The following SAMD5 variants were observed in gnomAD, a reference collection of about 807,000 sequenced individuals.
SAMD5 encodes sterile alpha motif domain containing 5.
In SAMD5, 13 loss-of-function variants were observed where a neutral mutation model predicts 11.3. That is an observed-to-expected ratio of 1.15 (90% CI 0.75 to 1.83). The LOEUF (loss-of-function observed/expected upper bound fraction) is 1.83, where lower values mean the gene tolerates loss of function less well. SAMD5 is among the 40% of genes most tolerant of loss of function. The pLI is 0.00. For missense variants in SAMD5, 255 were observed against 239.1 expected (o/e 1.07, Z -0.44); for synonymous variants, 129 against 111.3 (o/e 1.16, Z -1.00).
intron 1 of SAMD5, among the ~76,000 whole-genome samples, chr6:147,530,238 AGGTGTTGT>A (rs1355530481): frequency 1.3e-5 from 2 of 152,246 alleles, no homozygotes; most frequent in African/African-American, 2.4e-5. Context: ...CTATCATTGG[AGGTGTTGT>A]GGACAGGAAA....
At chr6:147,639,589 C>T (rs995843379) in intron 1 of SAMD5, among the ~76,000 whole-genome samples, 13 of 152,178 alleles carry the variant, frequency 8.5e-5, no homozygotes, top group Non-Finnish European at 1.9e-4. Flanking sequence ...GCAACATTCT[C>T]CTCTTTTGTT....
the SAMD5 span, among the ~76,000 whole-genome samples, chr6:147,928,523 C>A: frequency 6.6e-6 from 1 of 152,004 alleles, no homozygotes; most frequent in African/African-American, 2.4e-5. Flanking sequence ...TCTTCTTTGT[C>A]ATTTCTATTT....
chr6:147,789,517 G>A, the SAMD5 span, among the ~76,000 whole-genome samples: 1 of 152,038 alleles, frequency 6.6e-6, no homozygotes, highest in Admixed American at 6.6e-5. Context: ...TTGAAAAGTT[G>A]CAAAAAGAGT....
chr6:147,654,441 T>C (rs992540520), intron 1 of SAMD5, among the ~76,000 whole-genome samples: 4 of 152,178 alleles, frequency 2.6e-5, no homozygotes, highest in Admixed American at 1.3e-4. Flanking sequence ...AAGAAGAGAA[T>C]GAAAGGAGCC....
intron 1 of SAMD5, among the ~76,000 whole-genome samples, chr6:147,548,625 T>C (rs1788721372): frequency 6.6e-6 from 1 of 152,194 alleles, no homozygotes; most frequent in African/African-American, 2.4e-5. Context: ...TTTCAAATGC[T>C]TCTCCCAAAG....
At chr6:147,674,759 GCA>G (rs1247734978) in intron 1 of SAMD5, among the ~76,000 whole-genome samples, 1 of 152,096 alleles carries the variant, frequency 6.6e-6, no homozygotes, top group Non-Finnish European at 1.5e-5. Context: ...TGAGTTACCT[GCA>G]CTATTAAAAA....
At chr6:147,839,821 G>A in the SAMD5 span, among the ~76,000 whole-genome samples, 77 of 152,242 alleles carry the variant, frequency 5.1e-4, no homozygotes, top group Admixed American at 1.2e-3. Flanking sequence ...AGAAGTGACA[G>A]TATAAGTGCC....
chr6:147,565,617 C>A lies in SAMD5; in HGVS notation c.*1161C>A, dbSNP rs552110158. ...GGATTACAGGCACGCATCACCACAC[C>A]CAGCTAATTTTTTTGTATTTTTAGT... On this transcript the variant is annotated 3_prime_UTR_variant, in exon 2 of 2. Coordinates refer to ENST00000367474, the MANE Select transcript of SAMD5 (RefSeq NM_001030060.3). 2.3e-5 allele frequency: 10 copies of A among 430,726 alleles called. No individual in the cohort carries two copies. Among genetic ancestry groups the A allele is most frequent in the African/African-American group, 2.2e-4 (10 of 46,462 alleles). 26.7% of individuals were successfully genotyped at this position (430,726 alleles called of 1,614,324 possible).
At chr6:147,844,914 T>C in the SAMD5 span, among the ~76,000 whole-genome samples, 1 of 152,058 alleles carries the variant, frequency 6.6e-6, no homozygotes, top group Non-Finnish European at 1.5e-5. Flanking sequence ...GAGGAATAAG[T>C]TCTATTGCAC....
At chr6:147,616,160 A>ATATAATGAAATGAT (rs1562334242) in intron 1 of SAMD5, among the ~76,000 whole-genome samples, 5 of 140,948 alleles carry the variant, frequency 3.5e-5, no homozygotes, top group Non-Finnish European at 6.0e-5. Flanking sequence ...TTATTCATAT[A>ATATAATGAAATGAT]TATTTCATAT....
At chr6:147,892,006 C>T in the SAMD5 span, among the ~76,000 whole-genome samples, 1 of 152,168 alleles carries the variant, frequency 6.6e-6, no homozygotes, top group African/African-American at 2.4e-5. Flanking sequence ...GAGGGTGCGT[C>T]GGGCTCCTGA....
At chr6:147,527,804 G>C (rs1319047024) in intron 1 of SAMD5, among the ~76,000 whole-genome samples, 2 of 151,844 alleles carry the variant, frequency 1.3e-5, no homozygotes, top group Admixed American at 1.3e-4. Context: ...ATAAAGAAAG[G>C]TTTTTTTTAT....
intron 1 of SAMD5, among the ~76,000 whole-genome samples, chr6:147,537,480 C>T (rs1467980533): frequency 1.3e-5 from 2 of 152,084 alleles, no homozygotes; most frequent in African/African-American, 4.8e-5. Context: ...CGGCTGGGCG[C>T]GGTGGCTCAA....
chr6:147,653,248 T>C (rs1011219180), intron 1 of SAMD5, among the ~76,000 whole-genome samples: 2 of 152,194 alleles, frequency 1.3e-5, no homozygotes, highest in African/African-American at 4.8e-5. Context: ...TAAATAGACT[T>C]GCTTTATACT....
At chr6:147,674,123 G>A (rs1790832093) in intron 1 of SAMD5, among the ~76,000 whole-genome samples, 1 of 152,178 alleles carries the variant, frequency 6.6e-6, no homozygotes, top group African/African-American at 2.4e-5. Context: ...TTTGGGGTAA[G>A]AGAGAAAAGG....
chr6:147,566,507 A>G lies in SAMD5; in HGVS notation c.*2051A>G. On this transcript the variant is annotated 3_prime_UTR_variant, in exon 2 of 2. Coordinates refer to ENST00000367474, the MANE Select transcript of SAMD5 (RefSeq NM_001030060.3). ...TTGCTAGGAAGGACTCAATTTTTGA[A>G]AAATCTGTTATTTTCACTGTGGGCC... The G allele has an allele frequency of 1.0e-6, 1 of 985,834 alleles. No homozygotes were observed. The highest frequency in any genetic ancestry group is 1.2e-6 in the Non-Finnish European group (1 of 829,874). 61.1% of individuals were successfully genotyped at this position (985,834 alleles called of 1,614,324 possible).
At chr6:147,532,444 C>T (rs975638797) in intron 1 of SAMD5, among the ~76,000 whole-genome samples, 1 of 152,238 alleles carries the variant, frequency 6.6e-6, no homozygotes. Context: ...CCTCCAGCTC[C>T]ATCCAAGTTG....
At chr6:147,583,849 G>T (rs1789336776) in intron 1 of SAMD5, among the ~76,000 whole-genome samples, 1 of 114,968 alleles carries the variant, frequency 8.7e-6, no homozygotes, top group Middle Eastern at 5.1e-3. Flanking sequence ...ACACAAAATG[G>T]CTATTTACCT....
intron 1 of SAMD5, among the ~76,000 whole-genome samples, chr6:147,626,661 A>C (rs1217331979): frequency 6.6e-6 from 1 of 152,034 alleles, no homozygotes; most frequent in African/African-American, 2.4e-5. Flanking sequence ...AAAATAAAAA[A>C]TTAAGGCATT....
Sources: allele counts gnomAD v4.1 joint callset (sites outside exome capture counted in the v4.1 genomes callset), GRCh38; gene constraint gnomAD v4.1.1; transcripts MANE v1.5; gene names NCBI Gene and HGNC (gene_info 2026-07-23, HGNC 2026-07-21).